ERBB4: variants seen among roughly 807,000 people sequenced by gnomAD.
The protein encoded by ERBB4 is receptor tyrosine-protein kinase erbB-4.
ERBB4 carries 42 observed loss-of-function variants against 158.0 expected under a neutral mutation model. The ratio of observed to expected loss-of-function variants is 0.27; its 90% CI spans 0.21 to 0.34. The LOEUF is 0.34. ERBB4 is among the 10% of genes least tolerant of loss of function. The probability of loss-of-function intolerance (pLI) is 1.00; values close to 1 mark genes in which losing one functional copy is unlikely to be tolerated. For synonymous variants in ERBB4, 583 were observed against 558.7 expected (o/e 1.04, Z -0.61); for missense variants, 1,333 against 1,624.1 (o/e 0.82, Z 3.08).
intron 3 of ERBB4, among the ~76,000 whole-genome samples, chr2:211,869,813 A>G (rs896394066): frequency 6.6e-6 from 1 of 152,118 alleles, no homozygotes; most frequent in Non-Finnish European, 1.5e-5. Context: ...TTAACATATT[A>G]TTTTCTTCAT....
At chr2:211,832,475 A>C (rs2077242675) in intron 3 of ERBB4, among the ~76,000 whole-genome samples, 1 of 152,116 alleles carries the variant, frequency 6.6e-6, no homozygotes, top group African/African-American at 2.4e-5. Flanking sequence ...TTTATCTTTT[A>C]AAATATTTTA....
chr2:212,015,045 T>A (rs58774417), intron 2 of ERBB4, among the ~76,000 whole-genome samples: 7,816 of 9,536 alleles, frequency 0.82, 3,266 homozygotes, highest in Middle Eastern at 1. Flanking sequence ...AAAAAAAATA[T>A]ATATATATAT....
chr2:211,939,246 CAT>C (rs1206284264), intron 3 of ERBB4, among the ~76,000 whole-genome samples: 7 of 152,104 alleles, frequency 4.6e-5, no homozygotes, highest in Non-Finnish European at 1.0e-4. Flanking sequence ...TTGGGAGTGA[CAT>C]ATGAAGAACG....
intron 1 of ERBB4, among the ~76,000 whole-genome samples, chr2:212,193,497 G>A (rs1004792071): frequency 6.6e-6 from 1 of 152,010 alleles, no homozygotes; most frequent in East Asian, 1.9e-4. Context: ...GATCTTGTGG[G>A]AGAAATACTA....
chr2:212,119,666 G>T (rs2079684247), intron 2 of ERBB4, among the ~76,000 whole-genome samples: 1 of 152,020 alleles, frequency 6.6e-6, no homozygotes, highest in South Asian at 2.1e-4. Context: ...CCAGCAATGT[G>T]GTTCCTTGGT....
At chr2:211,545,150 T>G (rs2066909572) in intron 20 of ERBB4, among the ~76,000 whole-genome samples, 1 of 152,118 alleles carries the variant, frequency 6.6e-6, no homozygotes, top group Non-Finnish European at 1.5e-5. Flanking sequence ...GCCAAAGCTT[T>G]AAAGAAATAG....
chr2:212,484,849 C>T (rs574903780), intron 1 of ERBB4, among the ~76,000 whole-genome samples: 1 of 152,292 alleles, frequency 6.6e-6, no homozygotes, highest in South Asian at 2.1e-4. Flanking sequence ...CTTTCACATG[C>T]TGCCCCTGCT....
chr2:211,668,222 T>C (rs1559398534), intron 14 of ERBB4, among the ~76,000 whole-genome samples: 1 of 152,238 alleles, frequency 6.6e-6, no homozygotes, highest in Non-Finnish European at 1.5e-5. Context: ...TGTCCATCAC[T>C]AACTGAAATG....
intron 20 of ERBB4, among the ~76,000 whole-genome samples, chr2:211,470,374 T>C (rs1200394354): frequency 1.3e-5 from 2 of 152,066 alleles, no homozygotes; most frequent in African/African-American, 4.8e-5. Flanking sequence ...CCTACATAAT[T>C]AGAACTTAAG....
intron 1 of ERBB4, among the ~76,000 whole-genome samples, chr2:212,444,494 A>G (rs1356971758): frequency 6.6e-6 from 1 of 152,192 alleles, no homozygotes; most frequent in Non-Finnish European, 1.5e-5. Context: ...GGTGGACCTC[A>G]CTGAGTGGTC....
intron 16 of ERBB4, among the ~76,000 whole-genome samples, chr2:211,645,585 C>G (rs2070756276): frequency 1.3e-5 from 2 of 151,536 alleles, no homozygotes; most frequent in African/African-American, 4.8e-5. Context: ...CTCTGTATAA[C>G]ATGATTAATG....
chr2:211,734,511 G>A (rs1282934776), intron 5 of ERBB4, among the ~76,000 whole-genome samples: 1 of 149,566 alleles, frequency 6.7e-6, no homozygotes, highest in Non-Finnish European at 1.5e-5. Flanking sequence ...ATAGAAAAAT[G>A]TTCATTAGTT....
chr2:212,062,399 CT>C (rs199535512), intron 2 of ERBB4, among the ~76,000 whole-genome samples: 19 of 81,354 alleles, frequency 2.3e-4, no homozygotes, highest in African/African-American at 7.7e-4. Flanking sequence ...CTTGTCAATT[CT>C]TTTTTTTTTT....
intron 2 of ERBB4, among the ~76,000 whole-genome samples, chr2:212,055,110 T>A (rs1447803757): frequency 6.6e-6 from 1 of 152,162 alleles, no homozygotes; most frequent in Non-Finnish European, 1.5e-5. Context: ...CCTAATACTG[T>A]GCTTTTCCAA....
intron 1 of ERBB4, among the ~76,000 whole-genome samples, chr2:212,491,970 A>G (rs1690302950): frequency 6.6e-6 from 1 of 151,480 alleles, no homozygotes; most frequent in African/African-American, 2.4e-5. Context: ...AGACATTTAT[A>G]AGCAGATTCT....
intron 4 of ERBB4, among the ~76,000 whole-genome samples, chr2:211,783,269 C>T (rs2076079029): frequency 6.6e-6 from 1 of 152,216 alleles, no homozygotes; most frequent in African/African-American, 2.4e-5. Flanking sequence ...AGATTTTGGG[C>T]TGAGACAATG....
At chr2:211,390,253 C>T (rs558302006) in intron 25 of ERBB4, among the ~76,000 whole-genome samples, 1 of 152,280 alleles carries the variant, frequency 6.6e-6, no homozygotes, top group South Asian at 2.1e-4. Context: ...CCAGCAATAC[C>T]ACCATATATT....
At chr2:212,484,538 T>A (rs554781826) in intron 1 of ERBB4, among the ~76,000 whole-genome samples, 1 of 152,390 alleles carries the variant, frequency 6.6e-6, no homozygotes, top group African/African-American at 2.4e-5. Flanking sequence ...TCTTTTCTGA[T>A]TCCACAGAGA....
chr2:212,001,477 A>C (rs192952521), intron 2 of ERBB4, among the ~76,000 whole-genome samples: 1 of 152,272 alleles, frequency 6.6e-6, no homozygotes, highest in East Asian at 1.9e-4. Flanking sequence ...CACTTGTGCT[A>C]AAAGGCTATG....
Sources: allele counts gnomAD v4.1 joint callset (sites outside exome capture counted in the v4.1 genomes callset), GRCh38; gene constraint gnomAD v4.1.1; transcripts MANE v1.5; gene names NCBI Gene and HGNC (gene_info 2026-07-23, HGNC 2026-07-21).